IQSEC1: variants seen among roughly 807,000 people sequenced by gnomAD.
IQSEC1 encodes IQ motif and SEC7 domain-containing protein 1.
A neutral mutation model predicts 91.0 loss-of-function variants in IQSEC1; 31 were observed. That is an observed-to-expected ratio of 0.34 (90% CI 0.26 to 0.46). The LOEUF (loss-of-function observed/expected upper bound fraction) is 0.46. Among genes scored for constraint, IQSEC1 ranks in the 20% least tolerant of loss-of-function variants. IQSEC1 has a pLI of 1.00. For missense variants in IQSEC1, 1,388 were observed against 1,575.6 expected (o/e 0.88, Z 2.02); for synonymous variants, 699 against 662.6 (o/e 1.05, Z -0.84).
At chr3:13,053,046 C>T (rs935187826) in intron 1 of IQSEC1, 3 of 1,117,382 alleles carry the variant, frequency 2.7e-6, no homozygotes, top group Non-Finnish European at 4.1e-6. Flanking sequence ...CATCCGAATC[C>T]ACGGGGGAAT....
chr3:13,115,484 T>A (rs951149992), intron 2 of IQSEC1, among the ~76,000 whole-genome samples: 2 of 152,262 alleles, frequency 1.3e-5, no homozygotes, highest in African/African-American at 4.8e-5. Flanking sequence ...GCTGCTGGTC[T>A]GCATGAGCCC....
intron 1 of IQSEC1, among the ~76,000 whole-genome samples, chr3:13,262,286 A>G (rs1290944881): frequency 6.6e-6 from 1 of 152,208 alleles, no homozygotes; most frequent in Non-Finnish European, 1.5e-5. Flanking sequence ...TGCCTCAAAA[A>G]TAAATACATA....
At chr3:12,930,526 C>T (rs1049535598) in intron 3 of IQSEC1, among the ~76,000 whole-genome samples, 3 of 152,136 alleles carry the variant, frequency 2.0e-5, no homozygotes, top group South Asian at 2.1e-4. Context: ...CAGAAGGAGC[C>T]GATGAGGGGA....
At chr3:13,161,868 G>A (rs1707182608) in intron 2 of IQSEC1, among the ~76,000 whole-genome samples, 2 of 152,058 alleles carry the variant, frequency 1.3e-5, no homozygotes, top group South Asian at 2.1e-4. Flanking sequence ...ACATATGCTC[G>A]GCTCTGTGTG....
At chr3:13,114,150 T>G (rs962538432) in intron 2 of IQSEC1, among the ~76,000 whole-genome samples, 1 of 152,226 alleles carries the variant, frequency 6.6e-6, no homozygotes, top group African/African-American at 2.4e-5. Flanking sequence ...AGAAGTGACT[T>G]CAGCCTCATT....
intron 1 of IQSEC1, chr3:13,047,583 G>C (rs1704547926): frequency 1.1e-6 from 1 of 902,606 alleles, no homozygotes; most frequent in African/African-American, 1.8e-5. Flanking sequence ...AAACCCCTTG[G>C]GGGCCATGTC....
chr3:13,109,248 GC>G (rs1706201839), intron 2 of IQSEC1, among the ~76,000 whole-genome samples: 1 of 152,100 alleles, frequency 6.6e-6, no homozygotes, highest in Non-Finnish European at 1.5e-5. Context: ...AGCAGCCGAG[GC>G]CCCCCTCCTC....
chr3:13,128,582 C>G (rs1464242780), intron 2 of IQSEC1, among the ~76,000 whole-genome samples: 1 of 152,100 alleles, frequency 6.6e-6, no homozygotes, highest in East Asian at 1.9e-4. Flanking sequence ...AATGTTACAT[C>G]TAGCCGGGCA....
intron 2 of IQSEC1, among the ~76,000 whole-genome samples, chr3:13,096,670 G>A (rs566219641): frequency 1.3e-5 from 2 of 152,210 alleles, no homozygotes; most frequent in East Asian, 1.9e-4. Context: ...TGGTGCTTCC[G>A]AAGACCATGC....
chr3:13,160,507 A>G (rs1038749788), intron 2 of IQSEC1, among the ~76,000 whole-genome samples: 1 of 152,214 alleles, frequency 6.6e-6, no homozygotes, highest in Non-Finnish European at 1.5e-5. Context: ...TCTCAAGGTC[A>G]GTCATATTTT....
intron 1 of IQSEC1, among the ~76,000 whole-genome samples, chr3:13,185,536 C>T (rs147574658): frequency 5.9e-5 from 9 of 152,290 alleles, no homozygotes; most frequent in African/African-American, 1.7e-4. Flanking sequence ...AGGCATAAAG[C>T]GTGACAATGG....
chr3:12,941,298 C>T (rs1273338380), intron 2 of IQSEC1, among the ~76,000 whole-genome samples: 2 of 152,214 alleles, frequency 1.3e-5, no homozygotes, highest in East Asian at 3.9e-4. Flanking sequence ...ATGGCAAAGG[C>T]CTCATGTGAA....
intron 1 of IQSEC1, among the ~76,000 whole-genome samples, chr3:13,257,158 A>C (rs1695303144): frequency 6.6e-6 from 1 of 152,164 alleles, no homozygotes; most frequent in Non-Finnish European, 1.5e-5. Context: ...AGTCCAATCA[A>C]GACTACAAGG....
rs557795260 is a variant in IQSEC1 at position 13,213,467 on chromosome 3, G to A, written c.273-49334C>T. On this transcript the variant is annotated intron_variant, in intron 1 of 15. Coordinates refer to the IQSEC1 transcript ENST00000648114. ...CGGGAGTTGTGGGATCCCCTACTTT[G>A]TTCTTTTTCAGGACCATTTTGGCTA... 3.3e-5 allele frequency among the ~76,000 whole-genome samples: 5 copies of A among 152,248 alleles called. No individual in the cohort carries two copies. In the East Asian group the frequency reaches 9.7e-4, roughly 29 times the overall value.
intron 1 of IQSEC1, among the ~76,000 whole-genome samples, chr3:13,222,693 A>G (rs1432155918): frequency 6.6e-6 from 1 of 152,202 alleles, no homozygotes; most frequent in Non-Finnish European, 1.5e-5. Context: ...GGCCATTGAA[A>G]GCACTCCCAG....
chr3:13,121,431 C>T (rs1326151526), intron 2 of IQSEC1, among the ~76,000 whole-genome samples: 1 of 152,108 alleles, frequency 6.6e-6, no homozygotes, highest in African/African-American at 2.4e-5. Flanking sequence ...CACAGAACAG[C>T]GGCTCGGTGG....
chr3:13,073,595 G>A (rs919640000), upstream of IQSEC1, among the ~76,000 whole-genome samples: 2 of 152,200 alleles, frequency 1.3e-5, no homozygotes, highest in Admixed American at 1.3e-4. Flanking sequence ...CACCCGGCGG[G>A]GCGCGGGGCG....
At chr3:13,202,105 C>G (rs1008285820) in intron 1 of IQSEC1, among the ~76,000 whole-genome samples, 1 of 152,224 alleles carries the variant, frequency 6.6e-6, no homozygotes, top group Non-Finnish European at 1.5e-5. Flanking sequence ...AAAGTCTGTG[C>G]TGGCACCTCA....
chr3:12,953,316 T>C (rs1175405104), intron 1 of IQSEC1, among the ~76,000 whole-genome samples: 3 of 152,222 alleles, frequency 2.0e-5, no homozygotes, highest in Admixed American at 1.3e-4. Flanking sequence ...CTGAGGCTGA[T>C]TGTCCGGTTG....
Sources: gnomAD v4.1 joint callset for allele counts (sites outside exome capture counted in the v4.1 genomes callset) on GRCh38, gnomAD v4.1.1 for gene constraint, MANE v1.5 for transcripts, NCBI Gene and HGNC (gene_info 2026-07-23, HGNC 2026-07-21) for gene names.